The following DOHH variants were observed in gnomAD, a reference collection of about 807,000 sequenced individuals.
DOHH encodes deoxyhypusine hydroxylase, also known as HEAT-like (PBS lyase) repeat containing 1.
DOHH carries 16 observed loss-of-function variants against 19.9 expected under a neutral mutation model. That is an observed-to-expected ratio of 0.80 (90% CI 0.54 to 1.22). The LOEUF (loss-of-function observed/expected upper bound fraction) is 1.22. DOHH is among the 50% of genes most tolerant of loss of function. The pLI is 0.00. For synonymous variants in DOHH, 233 were observed against 217.0 expected (o/e 1.07, Z -0.65); for missense variants, 460 against 460.6 (o/e 1.00, Z 0.01).
Position 3,491,361 on chromosome 19 carries a change from A to T in DOHH, c.*131T>A. The T allele has an allele frequency of 1.0e-6, 1 of 975,514 alleles. No homozygotes were observed. Among genetic ancestry groups the T allele is most frequent in the Non-Finnish European group, 1.5e-6 (1 of 673,524 alleles). The allele number at this position is 975,514 out of a possible 1,614,324, so 60.4% of individuals were successfully genotyped here. ...CCTCGGTCCCAGACGGAGGAGGGGG[A>T]CAGCAACCATGCGCCCAGCAAGACA... On this transcript the variant is annotated 3_prime_UTR_variant, in exon 5 of 5. Coordinates refer to ENST00000427575, the MANE Select transcript of DOHH (RefSeq NM_001145165.2). The surrounding 1 kb of genome is among the most constrained non-coding windows in gnomAD (Gnocchi z 5.6).
intron 2 of DOHH, among the ~76,000 whole-genome samples, chr19:3,495,875 C>A (rs969224554): frequency 6.6e-6 from 1 of 152,064 alleles, no homozygotes; most frequent in Non-Finnish European, 1.5e-5. Context: ...CACCACAGTA[C>A]CCCAGCCTGG....
chr19:3,494,096 G>A lies in DOHH; in HGVS notation c.283C>T (p.Leu95=), dbSNP rs374317949. 1 of 1,613,650 alleles carries A rather than the reference G, an allele frequency of 6.2e-7. No homozygotes were observed. Among genetic ancestry groups the A allele is most frequent in the Non-Finnish European group, 8.5e-7 (1 of 1,179,656 alleles). Reference sequence around the variant, plus strand: ...ACTTCCGGGTCCCCGATGGCCCCCAGGGCCTCCCCTGGGAAGAAGCAGCCG... The same window carrying A: ...ACTTCCGGGTCCCCGATGGCCCCCAAGGCCTCCCCTGGGAAGAAGCAGCCG... The part of the protein sequence containing the change: ...PMVRHEAGEA[L]GAIGDPEVLE... Residue 95 remains leucine (L), a synonymous_variant, in exon 3 of 5, where the codon CTG becomes TTG. Transcript: ENST00000427575.
At chr19:3,500,096 G>A (rs1444599044) in intron 1 of DOHH, among the ~76,000 whole-genome samples, 1 of 122,944 alleles carries the variant, frequency 8.1e-6, no homozygotes, top group Non-Finnish European at 1.6e-5. Flanking sequence ...GGGGAGAAGG[G>A]ACCCCTCTCT....
rs2082867452 is a variant in DOHH, at chr19:3,491,295, A to G, written c.*197T>C. ...TACAGCCCTGCGCCAGGCCCCGAGG[A>G]GCAGTCAGGGGACTCAGGGAGTCAC... On this transcript the variant is annotated 3_prime_UTR_variant, in exon 5 of 5. Coordinates refer to ENST00000427575, the MANE Select transcript of DOHH (RefSeq NM_001145165.2). The surrounding 1 kb of genome is among the most constrained non-coding windows in gnomAD (Gnocchi z 5.6). 1.4e-5 allele frequency: 9 copies of G among 622,920 alleles called. No individual in the cohort carries two copies. The highest frequency in any genetic ancestry group is 2.5e-5 in the Non-Finnish European group (9 of 365,496). 38.6% of individuals were successfully genotyped at this position (622,920 alleles called of 1,614,324 possible).
chr19:3,495,357 G>A (rs890181884), intron 2 of DOHH, among the ~76,000 whole-genome samples: 1 of 152,016 alleles, frequency 6.6e-6, no homozygotes, highest in African/African-American at 2.4e-5. Flanking sequence ...GCTAACTGCA[G>A]CCTCAACCTC....
chr19:3,494,017 G>A lies in DOHH; in HGVS notation c.351+11C>T, dbSNP rs375620572. 1 of 1,611,676 alleles carries A rather than the reference G, an allele frequency of 6.2e-7. No homozygotes were observed. The highest frequency in any genetic ancestry group is 1.7e-5 in the Admixed American group (1 of 59,770). The stretch of plus-strand genomic sequence containing the variant: ...CGAGACTGGCAGGGAGACAAGCAGG[G>A]GCCTGGTTACCTCGATGACGGGGTC... On this transcript the variant is annotated intron_variant, in intron 3 of 4. Transcript: ENST00000427575.
Position 3,494,073 on chromosome 19 carries a change from T to G in DOHH, c.306A>C (p.Glu102Asp). 6.2e-7 allele frequency: 1 copy of G among 1,613,718 alleles called. No homozygotes were observed. The highest frequency in any genetic ancestry group is 8.5e-7 in the Non-Finnish European group (1 of 1,179,760). The change falls in exon 3 of 5, where the codon GAA becomes GAC. Residue 102 changes from glutamate (E) to aspartate (D), a missense_variant. Coordinates refer to ENST00000427575, the MANE Select transcript of DOHH (RefSeq NM_001145165.2). Reference protein sequence around the residue: ...GEALGAIGDPEVLEILKQYSS... With the variant: ...GEALGAIGDPDVLEILKQYSS... The stretch of plus-strand genomic sequence containing the variant: ...AATACTGCTTCAGGATCTCCAGAAC[T>G]TCCGGGTCCCCGATGGCCCCCAGGG...
At chr19:3,493,652 T>C (rs1312939528) in intron 3 of DOHH, among the ~76,000 whole-genome samples, 1 of 151,336 alleles carries the variant, frequency 6.6e-6, no homozygotes, top group Non-Finnish European at 1.5e-5. Context: ...GCAGGAGATC[T>C]CTGAAGAGGT....
intron 1 of DOHH, among the ~76,000 whole-genome samples, chr19:3,499,539 G>A (rs1333204752): frequency 6.6e-6 from 1 of 152,188 alleles, no homozygotes; most frequent in Non-Finnish European, 1.5e-5. Flanking sequence ...TTGGGAGGCC[G>A]AGGTGGACAG....
intron 3 of DOHH, 44 bp from the exon 4 acceptor site, chr19:3,492,543 C>A: frequency 1.5e-6 from 2 of 1,329,964 alleles, no homozygotes; most frequent in South Asian, 3.7e-5. Flanking sequence ...CCTGGGGGGT[C>A]GCAGGGGCCC....
intron 2 of DOHH, among the ~76,000 whole-genome samples, chr19:3,494,838 G>C (rs1211710247): frequency 6.6e-6 from 1 of 152,236 alleles, no homozygotes; most frequent in Non-Finnish European, 1.5e-5. Context: ...CGCCAACACA[G>C]GCTCTGTGTC....
intron 2 of DOHH, among the ~76,000 whole-genome samples, chr19:3,494,329 G>T (rs2082892403): frequency 6.6e-6 from 1 of 152,124 alleles, no homozygotes; most frequent in Non-Finnish European, 1.5e-5. Context: ...CCTGGCTGCC[G>T]CTCAGAGCAA....
chr19:3,494,743 G>C (rs929805282), intron 2 of DOHH, among the ~76,000 whole-genome samples: 1 of 152,220 alleles, frequency 6.6e-6, no homozygotes, highest in African/African-American at 2.4e-5. Context: ...CAGCTGAGCT[G>C]GTGGCTTTTG....
intron 4 of DOHH, 93 bp downstream of exon 4, chr19:3,492,169 C>CG: frequency 1.7e-6 from 2 of 1,199,784 alleles, no homozygotes; most frequent in South Asian, 1.9e-5. Context: ...ATGCCGTTCC[C>CG]GGGGGCAGGC....
chr19:3,497,955 C>A (rs1480163317), intron 1 of DOHH, among the ~76,000 whole-genome samples: 1 of 152,108 alleles, frequency 6.6e-6, no homozygotes, highest in African/African-American at 2.4e-5. Context: ...TGTTACACAG[C>A]TTAGATAACA....
chr19:3,491,364 G>T lies in DOHH; in HGVS notation c.*128C>A. 2 of 1,022,106 alleles carry T rather than the reference G, an allele frequency of 2.0e-6. No homozygotes were observed. The highest frequency in any genetic ancestry group is 2.8e-6 in the Non-Finnish European group (2 of 714,026). 63.3% of individuals were successfully genotyped at this position (1,022,106 alleles called of 1,614,324 possible). On this transcript the variant is annotated 3_prime_UTR_variant, in exon 5 of 5. Coordinates refer to ENST00000427575, the MANE Select transcript of DOHH (RefSeq NM_001145165.2). This position sits in a 1 kb window ranked among gnomAD's most constrained non-coding sequence, Gnocchi z 5.6. ...CGGTCCCAGACGGAGGAGGGGGACA[G>T]CAACCATGCGCCCAGCAAGACACAA...
Position 3,491,254 on chromosome 19 carries a change from C to A in DOHH, c.*238G>T, listed in dbSNP as rs1238077806. ...CCTCCCGCAGAGTCCCACCCCAAGC[C>A]TGGAAACTTCCACGCTACAGCCCTG... On this transcript the variant is annotated 3_prime_UTR_variant, in exon 5 of 5. Transcript: ENST00000427575. The surrounding 1 kb of genome is among the most constrained non-coding windows in gnomAD (Gnocchi z 5.6). 2 of 570,926 alleles carry A rather than the reference C, an allele frequency of 3.5e-6. No individual in the cohort carries two copies. Among genetic ancestry groups the A allele is most frequent in the Admixed American group, 3.4e-5 (1 of 29,610 alleles). The allele number at this position is 570,926 out of a possible 1,614,324, so 35.4% of individuals were successfully genotyped here.
intron 2 of DOHH, among the ~76,000 whole-genome samples, chr19:3,494,845 T>C (rs1221928185): frequency 6.6e-6 from 1 of 152,212 alleles, no homozygotes; most frequent in Non-Finnish European, 1.5e-5. Context: ...ACAGGCTCTG[T>C]GTCAGGCACC....
rs765992958 is a variant in DOHH, at chr19:3,496,809, CA to C, written c.5del (p.Val2GlyfsTer106). 6.3e-7 allele frequency: 1 copy of C among 1,583,924 alleles called. No homozygotes were observed. Among genetic ancestry groups the C allele is most frequent in the Non-Finnish European group, 8.6e-7 (1 of 1,166,972 alleles). ...CGATGGCATCCACCTCCTGCTCCGT[CA>C]CCATCGTGCTGTCAATGGGTCCCGG... M[V>X]TEQEVDAIGQ... On this transcript the variant is annotated frameshift_variant, in exon 2 of 5. Transcript: ENST00000427575. LOFTEE classifies it high-confidence loss of function. This position sits in a 1 kb window ranked among gnomAD's most constrained non-coding sequence, Gnocchi z 4.8.
Sources: allele counts gnomAD v4.1 joint callset (sites outside exome capture counted in the v4.1 genomes callset), GRCh38; gene constraint gnomAD v4.1.1; non-coding constraint Gnocchi (gnomAD v3.1); transcripts MANE v1.5; gene names NCBI Gene and HGNC (gene_info 2026-07-23, HGNC 2026-07-21).